Variants in ADAMTSL1 observed in about 807,000 individuals in gnomAD.
ADAMTSL1 encodes ADAMTS-like protein 1.
ADAMTSL1 carries 126 observed loss-of-function variants against 201.8 expected under a neutral mutation model. The ratio of observed to expected loss-of-function variants is 0.62; its 90% CI spans 0.54 to 0.72. The LOEUF is 0.72. Among genes scored for constraint, ADAMTSL1 ranks in the 30% least tolerant of loss-of-function variants. ADAMTSL1 has a pLI of 0.00. For synonymous variants in ADAMTSL1, 1,121 were observed against 903.4 expected, an observed-to-expected ratio of 1.24 and a Z score of -4.32; for missense variants, 2,679 against 2,277.8, an observed-to-expected ratio of 1.18 and a Z score of -3.59.
At chr9:17,991,559 A>G (rs560058029) in intron 1 of ADAMTSL1, among the ~76,000 whole-genome samples, 3 of 152,100 alleles carry the variant, frequency 2.0e-5, no homozygotes, top group Admixed American at 6.6e-5. Context: ...TGGTTTTGGT[A>G]TAGTTCAAGT....
In ADAMTSL1 at chr9:18,089,420, A is replaced by G. The variant is rs563560830; in HGVS notation, c.88-74442A>G. Among the ~76,000 whole-genome samples, 5 of 150,460 alleles carry G rather than the reference A, an allele frequency of 3.3e-5. No individual in the cohort carries two copies. In the East Asian group the frequency reaches 7.9e-4, roughly 24 times the overall value. ...CATAAGTGGGAGTTGAACAATGAGA[A>G]CACATGGACACAGGGAGGGGAACAT... is the stretch of plus-strand genomic sequence containing the variant. On this transcript the variant is annotated intron_variant, in intron 1 of 29. Transcript: ENST00000680146.
At chr9:18,080,528 A>T (rs1485677157) in intron 1 of ADAMTSL1, among the ~76,000 whole-genome samples, 1 of 152,212 alleles carries the variant, frequency 6.6e-6, no homozygotes, top group Non-Finnish European at 1.5e-5. Flanking sequence ...CCAGATTATT[A>T]CGTATTATGT....
rs1431213763 is a variant in ADAMTSL1, at chr9:18,289,445, G to C, written c.207+125464G>C. On this transcript the variant is annotated intron_variant, in intron 2 of 29. Transcript: ENST00000680146. ...ACCATCCAAATTTACCAAAAGCCAG[G>C]ACCAAGAGAAAGACTTGAGATAATG... 2.6e-5 allele frequency among the ~76,000 whole-genome samples: 4 copies of C among 152,116 alleles called. No homozygotes were observed. The East Asian group carries it at 7.7e-4, about 29-fold the overall frequency.
intron 1 of ADAMTSL1, among the ~76,000 whole-genome samples, chr9:17,997,558 CAAAT>C (rs1819433560): frequency 1.3e-5 from 2 of 152,126 alleles, no homozygotes; most frequent in Non-Finnish European, 1.5e-5. Flanking sequence ...TTAGTGAAGA[CAAAT>C]ATCTATGTGA....
intron 1 of ADAMTSL1, among the ~76,000 whole-genome samples, chr9:18,476,328 C>T (rs1037598673): frequency 2.0e-5 from 3 of 151,972 alleles, no homozygotes; most frequent in African/African-American, 7.2e-5. Context: ...GCATTTGAAC[C>T]CAAAGGTCAA....
At chr9:18,052,224 CA>C (rs1343965097) in intron 1 of ADAMTSL1, among the ~76,000 whole-genome samples, 7 of 152,320 alleles carry the variant, frequency 4.6e-5, no homozygotes, top group African/African-American at 1.7e-4. Flanking sequence ...CTGGAGCTTA[CA>C]GTCTAGACCA....
intron 1 of ADAMTSL1, among the ~76,000 whole-genome samples, chr9:18,113,600 C>A (rs1825122092): frequency 6.6e-6 from 1 of 152,030 alleles, no homozygotes; most frequent in Non-Finnish European, 1.5e-5. Flanking sequence ...TATGTAGTAT[C>A]TAGAGAGATA....
At chr9:18,128,129 G>A (rs1564015464) in intron 1 of ADAMTSL1, among the ~76,000 whole-genome samples, 3 of 152,252 alleles carry the variant, frequency 2.0e-5, no homozygotes, top group Non-Finnish European at 4.4e-5. Context: ...TTTTAGTTAG[G>A]TAGAAAGGCT....
chr9:18,866,740 C>T (rs1257749546), intron 23 of ADAMTSL1, among the ~76,000 whole-genome samples: 4 of 152,170 alleles, frequency 2.6e-5, no homozygotes, highest in African/African-American at 9.7e-5. Flanking sequence ...CAAAGACTCC[C>T]AGCAACAGTA....
intron 5 of ADAMTSL1, among the ~76,000 whole-genome samples, chr9:18,623,594 G>A (rs1415664336): frequency 6.6e-6 from 1 of 152,136 alleles, no homozygotes; most frequent in Non-Finnish European, 1.5e-5. Flanking sequence ...AGGATAGATG[G>A]TACAAGTTCT....
At chr9:18,395,383 G>A (rs984715607) in intron 2 of ADAMTSL1, among the ~76,000 whole-genome samples, 7 of 152,158 alleles carry the variant, frequency 4.6e-5, no homozygotes, top group Admixed American at 1.3e-4. Flanking sequence ...TCTAAAGTTT[G>A]CAGCATTCAG....
intron 3 of ADAMTSL1, among the ~76,000 whole-genome samples, chr9:18,563,113 C>T (rs56183399): frequency 6.6e-6 from 1 of 152,196 alleles, no homozygotes; most frequent in Non-Finnish European, 1.5e-5. Flanking sequence ...TTGGAATTTT[C>T]AGCCTTCTTT....
intron 21 of ADAMTSL1, among the ~76,000 whole-genome samples, chr9:18,823,983 C>A (rs928376599): frequency 6.6e-5 from 10 of 150,746 alleles, no homozygotes; most frequent in African/African-American, 2.4e-4. Flanking sequence ...GAGCAAGACT[C>A]CATCTCAATA....
At chr9:18,722,231 C>G (rs956087490) in intron 15 of ADAMTSL1, among the ~76,000 whole-genome samples, 14 of 152,168 alleles carry the variant, frequency 9.2e-5, no homozygotes, top group African/African-American at 3.1e-4. Flanking sequence ...CATTGAGTCA[C>G]AGCCTTGATT....
chr9:17,925,740 G>A (rs1305008983), intron 1 of ADAMTSL1, among the ~76,000 whole-genome samples: 1 of 146,066 alleles, frequency 6.8e-6, no homozygotes, highest in Admixed American at 7.0e-5. Flanking sequence ...AGCATTGGGA[G>A]ATATACCTAA....
At chr9:18,865,833 G>A (rs1341270449) in intron 23 of ADAMTSL1, among the ~76,000 whole-genome samples, 1 of 152,112 alleles carries the variant, frequency 6.6e-6, no homozygotes, top group African/African-American at 2.4e-5. Context: ...ACTAACCCAA[G>A]CCCTTTAATA....
chr9:18,453,903 A>T (rs1820508108), intron 2 of ADAMTSL1, among the ~76,000 whole-genome samples: 1 of 152,198 alleles, frequency 6.6e-6, no homozygotes, highest in Admixed American at 6.5e-5. Flanking sequence ...CTCCCAAGCC[A>T]ATTAAGGAAA....
intron 2 of ADAMTSL1, among the ~76,000 whole-genome samples, chr9:18,526,894 G>A (rs1819100712): frequency 6.6e-6 from 1 of 152,128 alleles, no homozygotes; most frequent in Non-Finnish European, 1.5e-5. Flanking sequence ...AGTCTAAATG[G>A]CCCAGGATCC....
rs375827627 is a variant in ADAMTSL1, at chr9:17,949,625, A to G, written c.87+42703A>G. ...CCTAGTTCTCAGTGCTATGAACACAATGACATGTTTCTGTCTTATTGCTCA... is the reference window on the plus strand; with the variant it reads ...CCTAGTTCTCAGTGCTATGAACACAGTGACATGTTTCTGTCTTATTGCTCA... On this transcript the variant is annotated intron_variant, in intron 1 of 29. Transcript: ENST00000680146. 4.9e-4 allele frequency among the ~76,000 whole-genome samples: 75 copies of G among 152,290 alleles called. No homozygotes were observed. The East Asian group carries it at 0.011, about 22-fold the overall frequency.
Sources: gnomAD v4.1 joint callset for allele counts (sites outside exome capture counted in the v4.1 genomes callset) on GRCh38, gnomAD v4.1.1 for gene constraint, MANE v1.5 for transcripts, NCBI Gene and HGNC (gene_info 2026-07-23, HGNC 2026-07-21) for gene names.